Variants in OSBPL10 observed in about 807,000 individuals in gnomAD.
OSBPL10 encodes oxysterol-binding protein-related protein 10.
OSBPL10 carries 49 observed loss-of-function variants against 81.7 expected under a neutral mutation model. The observed-to-expected ratio is 0.60, with a 90% CI of 0.48 to 0.76. OSBPL10 has a LOEUF of 0.76. Ranked by LOEUF, OSBPL10 falls within the 30% of genes least tolerant of loss-of-function variation. The probability of loss-of-function intolerance (pLI) is 0.00; values close to 1 mark genes in which losing one functional copy is unlikely to be tolerated. For synonymous variants in OSBPL10, 419 were observed against 383.6 expected (o/e 1.09, Z -1.08); for missense variants, 923 against 987.8 (o/e 0.93, Z 0.88).
chr3:31,904,573 CACA>C (rs1200721148), intron 1 of OSBPL10, among the ~76,000 whole-genome samples: 1 of 152,142 alleles, frequency 6.6e-6, no homozygotes, highest in Non-Finnish European at 1.5e-5. Context: ...CAAGCCTCCA[CACA>C]ACATGATCCA....
intron 2 of OSBPL10, among the ~76,000 whole-genome samples, chr3:32,017,077 C>A (rs77581703): frequency 9.9e-5 from 15 of 152,248 alleles, no homozygotes; most frequent in African/African-American, 3.1e-4. Flanking sequence ...TTTAAGAGAT[C>A]TGAACTTCCA....
intron 1 of OSBPL10, among the ~76,000 whole-genome samples, chr3:31,965,844 A>ATC (rs1559535417): frequency 3.4e-4 from 29 of 85,092 alleles, no homozygotes; most frequent in South Asian, 9.5e-4. Context: ...AATATATATT[A>ATC]TATAAAAAGA....
At chr3:31,824,671 C>A (rs1013767434) in intron 4 of OSBPL10, among the ~76,000 whole-genome samples, 1 of 151,646 alleles carries the variant, frequency 6.6e-6, no homozygotes, top group Non-Finnish European at 1.5e-5. Flanking sequence ...CATCTGTGCT[C>A]TGGCCATTGT....
chr3:31,669,193 C>T (rs919201995), intron 9 of OSBPL10, among the ~76,000 whole-genome samples: 3 of 151,964 alleles, frequency 2.0e-5, no homozygotes, highest in Non-Finnish European at 4.4e-5. Flanking sequence ...GTACCTATAG[C>T]TCGGGTGATG....
intron 1 of OSBPL10, among the ~76,000 whole-genome samples, chr3:32,055,740 TA>T (rs1268933333): frequency 6.6e-6 from 1 of 152,154 alleles, no homozygotes; most frequent in Non-Finnish European, 1.5e-5. Flanking sequence ...ATAGAACCAA[TA>T]AAAGCCCTTT....
At chr3:31,922,816 T>C (rs1458301810) in intron 1 of OSBPL10, among the ~76,000 whole-genome samples, 1 of 152,000 alleles carries the variant, frequency 6.6e-6, no homozygotes, top group African/African-American at 2.4e-5. Flanking sequence ...GGATTCTTCA[T>C]CTCCACACTG....
intron 3 of OSBPL10, among the ~76,000 whole-genome samples, chr3:31,866,557 T>C (rs1701187624): frequency 6.6e-6 from 1 of 152,188 alleles, no homozygotes; most frequent in African/African-American, 2.4e-5. Flanking sequence ...CACTGTCCAA[T>C]GCTCTAACAT....
intron 3 of OSBPL10, among the ~76,000 whole-genome samples, chr3:31,837,768 C>T (rs2125546734): frequency 6.6e-6 from 1 of 151,270 alleles, no homozygotes; most frequent in East Asian, 1.9e-4. Flanking sequence ...AATAAGATAT[C>T]ATTCACAATA....
chr3:31,722,995 G>A (rs1483341854), intron 6 of OSBPL10, among the ~76,000 whole-genome samples: 1 of 152,124 alleles, frequency 6.6e-6, no homozygotes. Flanking sequence ...CACTCCCATG[G>A]TTTTAAGGAT....
chr3:31,722,552 C>T (rs968934286), intron 6 of OSBPL10, among the ~76,000 whole-genome samples: 2 of 151,976 alleles, frequency 1.3e-5, no homozygotes, highest in African/African-American at 4.8e-5. Flanking sequence ...AGTGTAAGTC[C>T]CTCTTGCTTC....
intron 1 of OSBPL10, among the ~76,000 whole-genome samples, chr3:31,945,385 C>A (rs188120173): frequency 4.8e-4 from 73 of 152,266 alleles, no homozygotes; most frequent in African/African-American, 1.5e-3. Context: ...GGACCGGAAG[C>A]CTCAAAACAA....
chr3:31,746,792 G>C (rs900594273), intron 5 of OSBPL10, among the ~76,000 whole-genome samples: 8 of 131,576 alleles, frequency 6.1e-5, no homozygotes, highest in African/African-American at 2.3e-4. Context: ...ATGGACACAG[G>C]AAGGGGAACA....
intron 1 of OSBPL10, among the ~76,000 whole-genome samples, chr3:31,940,829 G>A (rs912847055): frequency 2.0e-5 from 3 of 151,986 alleles, no homozygotes; most frequent in African/African-American, 4.8e-5. Flanking sequence ...TAGTAGAGAC[G>A]GGGTTTCACC....
intron 4 of OSBPL10, among the ~76,000 whole-genome samples, chr3:31,766,693 C>A (rs1698211597): frequency 6.6e-6 from 1 of 152,142 alleles, no homozygotes; most frequent in African/African-American, 2.4e-5. Flanking sequence ...TTTACAAATA[C>A]TTTTAAAACT....
At chr3:31,719,101 G>C (rs1476157336) in intron 6 of OSBPL10, among the ~76,000 whole-genome samples, 5 of 152,198 alleles carry the variant, frequency 3.3e-5, no homozygotes, top group African/African-American at 1.2e-4. Flanking sequence ...GCTCATTCCA[G>C]TGGGTGTTCC....
chr3:31,679,116 C>A (rs1700570572), intron 8 of OSBPL10, among the ~76,000 whole-genome samples: 1 of 152,154 alleles, frequency 6.6e-6, no homozygotes, highest in African/African-American at 2.4e-5. Flanking sequence ...CCTCAAAACA[C>A]CCCAGCCACT....
chr3:31,816,929 T>A (rs948616553), intron 4 of OSBPL10, among the ~76,000 whole-genome samples: 1 of 152,104 alleles, frequency 6.6e-6, no homozygotes, highest in African/African-American at 2.4e-5. Flanking sequence ...AGTTGTTCCA[T>A]CATCTCCAGC....
chr3:31,995,310 C>G (rs1303766001), intron 2 of OSBPL10, among the ~76,000 whole-genome samples: 2 of 152,154 alleles, frequency 1.3e-5, no homozygotes, highest in African/African-American at 4.8e-5. Flanking sequence ...GGACAGACAT[C>G]CCCAGAGCGG....
At chr3:31,824,550 A>G (rs759718396) in intron 4 of OSBPL10, among the ~76,000 whole-genome samples, 1 of 152,166 alleles carries the variant, frequency 6.6e-6, no homozygotes, top group Non-Finnish European at 1.5e-5. Context: ...TGATATGTAC[A>G]GTTTGATATC....
Sources: gnomAD v4.1 joint callset for allele counts (sites outside exome capture counted in the v4.1 genomes callset) on GRCh38, gnomAD v4.1.1 for gene constraint, MANE v1.5 for transcripts, NCBI Gene and HGNC (gene_info 2026-07-23, HGNC 2026-07-21) for gene names.